ZNF69: variants seen among roughly 807,000 people sequenced by gnomAD.
ZNF69 encodes the protein ZNF3.
Under a neutral mutation model 50.9 loss-of-function variants are expected in ZNF69, and 47 were observed. The observed-to-expected ratio is 0.92, with a 90% CI of 0.73 to 1.18. The LOEUF is 1.18. ZNF69 is among the 50% of genes most tolerant of loss of function. ZNF69 has a pLI of 0.00. For synonymous variants in ZNF69, 216 were observed against 223.1 expected (o/e 0.97, Z 0.29); for missense variants, 717 against 675.1 (o/e 1.06, Z -0.69).
the ZNF69 span, among the ~76,000 whole-genome samples, chr19:11,946,600 T>G: frequency 6.6e-6 from 1 of 152,198 alleles, no homozygotes; most frequent in Non-Finnish European, 1.5e-5. Flanking sequence ...GGTAATCTTG[T>G]GCCATACCTT....
Position 11,905,881 on chromosome 19 carries a change from G to C in ZNF69, c.1484G>C (p.Arg495Thr). ...KGFYCPKSLQ[R>T]HEKTHTGEKL... ...TTTTATTGTCCCAAATCATTGCAAAGACATGAAAAAACTCACACTGGAGAG... is the reference window on the plus strand; with the variant it reads ...TTTTATTGTCCCAAATCATTGCAAACACATGAAAAAACTCACACTGGAGAG... Residue 495 changes from arginine to threonine, a missense_variant, in exon 4 of 4, where the codon AGA becomes ACA. By Grantham distance (71) the Arg-to-Thr change is moderately conservative. Transcript: ENST00000429654. 3 of 1,613,050 alleles carry C rather than the reference G, an allele frequency of 1.9e-6. No homozygotes were observed. Among genetic ancestry groups the C allele is most frequent in the Non-Finnish European group, 2.5e-6 (3 of 1,179,790 alleles).
At chr19:11,948,914 A>T in the ZNF69 span, 1 of 1,606,770 alleles carries the variant, frequency 6.2e-7, no homozygotes, top group African/African-American at 1.3e-5. Context: ...CATAGACATG[A>T]AAGAAGTCAC....
At chr19:11,920,364 T>C in the ZNF69 span, among the ~76,000 whole-genome samples, 1 of 152,188 alleles carries the variant, frequency 6.6e-6, no homozygotes, top group Non-Finnish European at 1.5e-5. Context: ...CCACTCACTT[T>C]GGCCTCCCAA....
At position 11,905,909 on chromosome 19, in the gene ZNF69, A is replaced by G. The variant is rs561907080; in HGVS notation, c.1512A>G (p.Lys504=). The change falls in exon 4 of 4, where the codon AAA becomes AAG. Residue 504 remains lysine (K), a synonymous_variant. Coordinates refer to ENST00000429654, the MANE Select transcript of ZNF69 (RefSeq NM_001364730.1). The part of the protein sequence containing the change: ...QRHEKTHTGE[K]LYECKQCGEA... ...ATGAAAAAACTCACACTGGAGAGAA[A>G]CTCTATGAATGCAAGCAATGTGGTG... The G allele has an allele frequency of 5.0e-6, 8 of 1,613,826 alleles. No homozygotes were observed. Among genetic ancestry groups the G allele is most frequent in the Admixed American group, 3.3e-5 (2 of 59,938 alleles).
chr19:11,966,064 C>CA, the ZNF69 span, among the ~76,000 whole-genome samples: 47 of 152,134 alleles, frequency 3.1e-4, no homozygotes, highest in African/African-American at 1.1e-3. Context: ...CCATCCCAGC[C>CA]AAAAAACAGA....
chr19:11,975,037 G>A, the ZNF69 span, among the ~76,000 whole-genome samples: 1 of 152,078 alleles, frequency 6.6e-6, no homozygotes, highest in Non-Finnish European at 1.5e-5. Context: ...ATTGTGTTCT[G>A]CCTTTTGCAA....
chr19:11,902,038 A>G (rs571349495), intron 1 of ZNF69, among the ~76,000 whole-genome samples: 8 of 146,162 alleles, frequency 5.5e-5, no homozygotes, highest in African/African-American at 1.6e-4. Flanking sequence ...CTGAAGTGCA[A>G]TGGTGCAATC....
the ZNF69 span, among the ~76,000 whole-genome samples, chr19:11,946,362 C>T: frequency 7.7e-3 from 1,167 of 152,108 alleles, 13 homozygotes; most frequent in African/African-American, 0.027. Flanking sequence ...TAGGTAAGGA[C>T]GGGGGGCATT....
intron 1 of ZNF69, among the ~76,000 whole-genome samples, chr19:11,899,223 A>G (rs1972192238): frequency 6.6e-6 from 1 of 152,124 alleles, no homozygotes; most frequent in Non-Finnish European, 1.5e-5. Context: ...GCCATTTCAG[A>G]CTTGCTTCTT....
At chr19:11,917,900 A>T (rs532187221), downstream of ZNF69, among the ~76,000 whole-genome samples, 67 of 148,672 alleles carry the variant, frequency 4.5e-4, no homozygotes, top group African/African-American at 1.7e-3. Flanking sequence ...CAACTGTCCT[A>T]CCTCAGCCTC....
At position 11,902,674 on chromosome 19, in the gene ZNF69, T is replaced by G. The variant is rs1010800381; in HGVS notation, c.64-899T>G. On this transcript the variant is annotated intron_variant, in intron 1 of 3. Coordinates refer to ENST00000429654, the MANE Select transcript of ZNF69 (RefSeq NM_001364730.1). ...GATTTGGGTGGTCCCTGGGGGAGTG[T>G]GATTTCCCAGGGGCTCCCCCTCCTG... Among the ~76,000 whole-genome samples the G allele has an allele frequency of 1.3e-4, 19 of 150,848 alleles. 1 individual carries two copies. Among genetic ancestry groups the G allele is most frequent in the South Asian group, 2.1e-4 (1 of 4,732 alleles).
downstream of ZNF69, among the ~76,000 whole-genome samples, chr19:11,911,330 C>T (rs189816484): frequency 5.5e-4 from 84 of 152,276 alleles, no homozygotes; most frequent in East Asian, 0.012. Flanking sequence ...TGGGTATATA[C>T]CCAAAGGATT....
At chr19:11,960,264 C>T in the ZNF69 span, among the ~76,000 whole-genome samples, 27 of 152,146 alleles carry the variant, frequency 1.8e-4, no homozygotes, top group Non-Finnish European at 2.9e-4. Flanking sequence ...GTGATCTGCC[C>T]GCCTTGGCCT....
At chr19:11,936,618 T>A in the ZNF69 span, among the ~76,000 whole-genome samples, 2 of 152,114 alleles carry the variant, frequency 1.3e-5, no homozygotes, top group South Asian at 4.1e-4. Context: ...ATTGCAAAAA[T>A]TTTCTCTCAT....
At chr19:11,967,497 C>T in the ZNF69 span, among the ~76,000 whole-genome samples, 2 of 151,784 alleles carry the variant, frequency 1.3e-5, no homozygotes, top group South Asian at 2.1e-4. Context: ...CTCCACCTCC[C>T]GGGTTCACGC....
Position 11,905,761 on chromosome 19 carries a change from C to A in ZNF69, c.1364C>A (p.Ser455Tyr). 1 of 1,612,832 alleles carries A rather than the reference C, an allele frequency of 6.2e-7. No individual in the cohort carries two copies. Among genetic ancestry groups the A allele is most frequent in the East Asian group, 2.2e-5 (1 of 44,758 alleles). Residue 455 changes from serine to tyrosine, a missense_variant, in exon 4 of 4, where the codon TCT (serine) becomes TAT (tyrosine). Ser to Tyr is a moderately radical substitution (Grantham distance 144, BLOSUM62 -2). Coordinates refer to ENST00000429654, the MANE Select transcript of ZNF69 (RefSeq NM_001364730.1). ...CAGGAATGTGGGAAAGCCTTCAGAT[C>A]TATGAAGAACCTTCAAAGTCATGAA... ...ECQECGKAFR[S>Y]MKNLQSHERT... is the part of the protein sequence containing the mutation.
At chr19:11,937,304 T>C in the ZNF69 span, among the ~76,000 whole-genome samples, 3 of 152,106 alleles carry the variant, frequency 2.0e-5, no homozygotes, top group Admixed American at 6.6e-5. Context: ...CTAATCCAGG[T>C]GTTTCAGTAC....
At chr19:11,928,344 T>A in the ZNF69 span, among the ~76,000 whole-genome samples, 1 of 152,192 alleles carries the variant, frequency 6.6e-6, no homozygotes, top group Non-Finnish European at 1.5e-5. Context: ...TGTTTTCTTT[T>A]CTTTCTAGCT....
the ZNF69 span, among the ~76,000 whole-genome samples, chr19:11,964,444 G>A: frequency 2.0e-5 from 3 of 152,164 alleles, no homozygotes; most frequent in African/African-American, 7.2e-5. Context: ...CTGGATAAAG[G>A]GTTCATGAAG....
Sources: allele counts gnomAD v4.1 joint callset (sites outside exome capture counted in the v4.1 genomes callset), GRCh38; gene constraint gnomAD v4.1.1; transcripts MANE v1.5; gene names NCBI Gene and HGNC (gene_info 2026-07-23, HGNC 2026-07-21).